Variants in COL20A1 observed in about 807,000 individuals in gnomAD.
COL20A1 encodes the protein collagen alpha-1(XX) chain.
COL20A1 carries 164 observed loss-of-function variants against 152.9 expected under a neutral mutation model. The observed-to-expected ratio is 1.07, with a 90% confidence interval of 0.94 to 1.22. COL20A1 has a LOEUF of 1.22. Ranked by LOEUF, COL20A1 falls within the 50% of genes most tolerant of loss-of-function variation. The probability of loss-of-function intolerance (pLI) is 0.00; values close to 1 mark genes in which losing one functional copy is unlikely to be tolerated. For synonymous variants in COL20A1, 864 were observed against 756.0 expected (o/e 1.14, Z -2.34); for missense variants, 1,873 against 1,744.8 (o/e 1.07, Z -1.31).
Position 63,326,767 on chromosome 20 carries a change from G to A in COL20A1, c.3472G>A (p.Ala1158Thr). ...GTCTATGCAGGGGTTCCAGGGCATGGCAGGGGCCAGGGGCACTAGTGGAGA... is the reference window on the plus strand; with the variant it reads ...GTCTATGCAGGGGTTCCAGGGCATGACAGGGGCCAGGGGCACTAGTGGAGA... ...PPGPRGFQGM[A>T]GARGTSGERG... The change falls in exon 31 of 36, where the codon GCA becomes ACA. Residue 1158 changes from alanine to threonine, a missense_variant. By Grantham distance (58) the Ala-to-Thr change is moderately conservative. Coordinates refer to ENST00000358894, the MANE Select transcript of COL20A1 (RefSeq NM_020882.4). 6.8e-7 allele frequency: 1 copy of A among 1,479,006 alleles called. No homozygotes were observed. The highest frequency in any genetic ancestry group is 8.9e-7 in the Non-Finnish European group (1 of 1,123,108). 91.6% of individuals were successfully genotyped at this position (1,479,006 alleles called of 1,614,324 possible).
intron 21 of COL20A1, among the ~76,000 whole-genome samples, chr20:63,317,999 A>G (rs1194248236): frequency 1.3e-5 from 2 of 151,482 alleles, no homozygotes; most frequent in Admixed American, 6.6e-5. Context: ...TGCCTCCCCA[A>G]CCTCTCTGCT....
rs2067912428 is a variant in COL20A1 at position 63,305,474 on chromosome 20, G to T, written c.251G>T (p.Gly84Val). ...TTKTPKATVG[G>V]LSPSKGYTLQ... is the part of the protein sequence containing the mutation. ...AAGACCCCTAAGGCCACAGTGGGGG[G>T]CCTGAGCCCCTCCAAGGGCTACACC... is the stretch of plus-strand genomic sequence containing the variant. The change falls in exon 4 of 36, where the codon GGC becomes GTC. Residue 84 changes from glycine to valine, a missense_variant. By Grantham distance (109) the Gly-to-Val change is moderately radical. Transcript: ENST00000358894. The surrounding 1 kb of genome is among the most constrained non-coding windows in gnomAD (Gnocchi z 4.9). The T allele has an allele frequency of 6.2e-7, 1 of 1,604,182 alleles. No homozygotes were observed. Among genetic ancestry groups the T allele is most frequent in the South Asian group, 1.1e-5 (1 of 89,336 alleles).
At chr20:63,325,597 G>A (rs974404069) in intron 28 of COL20A1, 71 bp from the exon 29 acceptor site, 20 of 1,558,020 alleles carry the variant, frequency 1.3e-5, no homozygotes, top group Non-Finnish European at 1.3e-5. Context: ...TGGGGGTGAG[G>A]CCTCACAGGC....
In COL20A1 at chr20:63,331,756, G is replaced by A. The variant is rs1342274574; in HGVS notation, c.*1040G>A. The A allele has an allele frequency of 7.2e-5, 11 of 152,210 alleles. No homozygotes were observed. The East Asian group carries it at 9.6e-4, about 13-fold the overall frequency. The allele number at this position is 152,210 out of a possible 1,614,324, so 9.4% of individuals were successfully genotyped here. A position where few individuals can be genotyped will look rare whatever the true frequency, so the allele number is the denominator to read the frequency against. On this transcript the variant is annotated 3_prime_UTR_variant, in exon 36 of 36. Coordinates refer to ENST00000358894, the MANE Select transcript of COL20A1 (RefSeq NM_020882.4). ...GCAAGAAAGGTGCCAGAAATGAAGAGGGAAGCCATATCATTGAGGAGAGAA... is the reference window on the plus strand; with the variant it reads ...GCAAGAAAGGTGCCAGAAATGAAGAAGGAAGCCATATCATTGAGGAGAGAA...
chr20:63,309,021 T>C (rs1431326733), intron 8 of COL20A1, among the ~76,000 whole-genome samples: 1 of 152,090 alleles, frequency 6.6e-6, no homozygotes, highest in Non-Finnish European at 1.5e-5. Context: ...CTGTGCCTGG[T>C]GACTCCCGCC....
chr20:63,324,589 A>G (rs1430035912), intron 27 of COL20A1: 1 of 152,338 alleles, frequency 6.6e-6, no homozygotes, highest in East Asian at 1.9e-4. Flanking sequence ...TGGAGCTATT[A>G]ATTGTAGGAT....
Position 63,319,268 on chromosome 20 carries a change from G to A in COL20A1, c.2806+68G>A. 2.6e-6 allele frequency: 4 copies of A among 1,520,300 alleles called. No homozygotes were observed. The highest frequency in any genetic ancestry group is 1.2e-5 in the South Asian group (1 of 81,848). The allele number at this position is 1,520,300 out of a possible 1,614,324, so 94.2% of individuals were successfully genotyped here. A position where few individuals can be genotyped will look rare whatever the true frequency, so the allele number is the denominator to read the frequency against. On this transcript the variant is annotated intron_variant, in intron 22 of 35. Transcript: ENST00000358894. This position sits in a 1 kb window ranked among gnomAD's most constrained non-coding sequence, Gnocchi z 4.4. ...GGGGCAGGGAGGCCCCAGAGCCCTG[G>A]GAGGCCTTCAGAGGAAGTCCAGCCT...
In COL20A1 at chr20:63,294,422, G is replaced by A. The variant is rs1021186849; in HGVS notation, c.-10-676G>A. Among the ~76,000 whole-genome samples, 16 of 151,704 alleles carry A rather than the reference G, an allele frequency of 1.1e-4. 1 individual carries two copies. Among genetic ancestry groups the A allele is most frequent in the African/African-American group, 3.4e-4 (14 of 41,248 alleles). On this transcript the variant is annotated intron_variant, in intron 1 of 35. Coordinates refer to ENST00000358894, the MANE Select transcript of COL20A1 (RefSeq NM_020882.4). ...ACCCCAAATCCAACCTCCACTCCCA[G>A]CCCCTTTGAGTGGGCCGGGCCTGGT...
chr20:63,315,304 G>T (rs1426264573), intron 19 of COL20A1, 100 bp from the exon 20 acceptor site: 29 of 1,181,500 alleles, frequency 2.5e-5, no homozygotes, highest in Non-Finnish European at 3.4e-5. Flanking sequence ...ATGGAGCACA[G>T]GCTGGGGCAT....
chr20:63,299,192 C>T (rs1241798639), intron 3 of COL20A1, among the ~76,000 whole-genome samples: 4 of 152,144 alleles, frequency 2.6e-5, no homozygotes, highest in Non-Finnish European at 5.9e-5. Context: ...GTGTAGACGC[C>T]GTGTGAGGGA....
chr20:63,300,338 T>A (rs2067849448), intron 3 of COL20A1, among the ~76,000 whole-genome samples: 1 of 152,174 alleles, frequency 6.6e-6, no homozygotes, highest in Non-Finnish European at 1.5e-5. Flanking sequence ...ACTTCTGGGC[T>A]TGTGGTGTGT....
At chr20:63,304,537 C>T (rs1183012808) in intron 3 of COL20A1, among the ~76,000 whole-genome samples, 4 of 136,968 alleles carry the variant, frequency 2.9e-5, no homozygotes, top group Non-Finnish European at 1.6e-5. Context: ...CCCTTCCTCC[C>T]TCCAGGTGTG....
chr20:63,316,693 T>G lies in COL20A1; in HGVS notation c.2663+2T>G. 6.5e-7 allele frequency: 1 copy of G among 1,549,798 alleles called. No individual in the cohort carries two copies. Among genetic ancestry groups the G allele is most frequent in the East Asian group, 2.4e-5 (1 of 42,036 alleles). ...CGCCCAGCTGACAAGACGGGTCAGG[T>G]GTGAGGGCAAGGGCTGGGGTGGAGC... On this transcript the variant is annotated splice_donor_variant, in intron 21 of 35. Coordinates refer to ENST00000358894, the MANE Select transcript of COL20A1 (RefSeq NM_020882.4). LOFTEE classifies it high-confidence loss of function.
chr20:63,309,301 C>T (rs768305967), intron 8 of COL20A1, 32 bp from the exon 9 acceptor site: 11 of 1,421,466 alleles, frequency 7.7e-6, no homozygotes, highest in Non-Finnish European at 7.4e-6. Context: ...GACCCCAGTG[C>T]AGGCCAACCC....
intron 3 of COL20A1, among the ~76,000 whole-genome samples, chr20:63,304,885 C>T (rs1269506155): frequency 2.6e-5 from 4 of 152,256 alleles, no homozygotes; most frequent in Non-Finnish European, 5.9e-5. Context: ...CTTGCTCTTT[C>T]CTCTGAGAAT....
At chr20:63,322,829 C>T (rs1011868663) in intron 27 of COL20A1, among the ~76,000 whole-genome samples, 55 of 152,260 alleles carry the variant, frequency 3.6e-4, no homozygotes, top group South Asian at 2.1e-4. Context: ...AGTTCCACAT[C>T]CCCGTGAGCA....
In COL20A1 at chr20:63,311,617, C is replaced by T. The variant is rs903524990; in HGVS notation, c.1540-8C>T. 1.9e-6 allele frequency: 3 copies of T among 1,610,300 alleles called. No individual in the cohort carries two copies. The highest frequency in any genetic ancestry group is 2.7e-5 in the African/African-American group (2 of 74,828). ...TGGGGGCTGGCCTGGGACGTCATGT[C>T]TCTGCAGGTGCAGGTCGGGCGGCCC... On this transcript the variant is annotated splice_polypyrimidine_tract_variant and splice_region_variant and intron_variant, in intron 12 of 35. Coordinates refer to ENST00000358894, the MANE Select transcript of COL20A1 (RefSeq NM_020882.4). The surrounding 1 kb of genome is among the most constrained non-coding windows in gnomAD (Gnocchi z 4.4).
chr20:63,328,248 G>C, intron 33 of COL20A1, 83 bp from the exon 34 acceptor site: 1 of 1,550,054 alleles, frequency 6.5e-7, no homozygotes, highest in Non-Finnish European at 8.8e-7. Context: ...AGCACACCTG[G>C]GCCAGGTGTC....
rs531381065 is a variant in COL20A1, at chr20:63,325,633, G to T, written c.3349-35G>T. On this transcript the variant is annotated intron_variant, in intron 28 of 35. Transcript: ENST00000358894. The stretch of plus-strand genomic sequence containing the variant: ...AGGGCCACCTCTGGATGTGACCCTG[G>T]CCCCTGCCTGGCCGGCCCCTCTGTT... The T allele has an allele frequency of 5.3e-5, 84 of 1,594,596 alleles. 1 individual carries two copies. The East Asian group carries it at 9.0e-4, about 17-fold the overall frequency.
Sources: gnomAD v4.1 joint callset for allele counts (sites outside exome capture counted in the v4.1 genomes callset) on GRCh38, gnomAD v4.1.1 for gene constraint, Gnocchi (gnomAD v3.1) non-coding constraint, MANE v1.5 for transcripts, NCBI Gene and HGNC (gene_info 2026-07-23, HGNC 2026-07-21) for gene names.